EBF1: variants seen among roughly 807,000 people sequenced by gnomAD.
The protein encoded by EBF1 is transcription factor COE1.
In EBF1, 10 loss-of-function variants were observed where a neutral mutation model predicts 68.4. The observed-to-expected ratio is 0.15, with a 90% confidence interval of 0.09 to 0.25. The LOEUF is 0.25. Among genes scored for constraint, EBF1 ranks in the 10% least tolerant of loss-of-function variants. EBF1 has a pLI of 1.00. For synonymous variants in EBF1, 298 were observed against 299.8 expected (o/e 0.99, Z 0.06); for missense variants, 509 against 794.4 (o/e 0.64, Z 4.32).
At chr5:159,036,052 G>C (rs1769986798) in intron 6 of EBF1, among the ~76,000 whole-genome samples, 1 of 152,160 alleles carries the variant, frequency 6.6e-6, no homozygotes, top group South Asian at 2.1e-4. Flanking sequence ...GGTTCTTAGG[G>C]AATATTGGCT....
At chr5:158,737,219 T>C (rs1581459935) in intron 10 of EBF1, among the ~76,000 whole-genome samples, 1 of 139,840 alleles carries the variant, frequency 7.2e-6, no homozygotes, top group Admixed American at 7.5e-5. Flanking sequence ...AATTAACCAA[T>C]AGAGAAGCCA....
intron 7 of EBF1, among the ~76,000 whole-genome samples, chr5:158,830,227 G>A (rs1787215295): frequency 6.6e-6 from 1 of 152,032 alleles, no homozygotes; most frequent in Non-Finnish European, 1.5e-5. Flanking sequence ...AGCCTGAAGG[G>A]AAACCTGTAG....
chr5:158,710,606 T>C (rs1758994101), intron 14 of EBF1, among the ~76,000 whole-genome samples: 6 of 152,210 alleles, frequency 3.9e-5, no homozygotes, highest in Admixed American at 3.9e-4. Flanking sequence ...AACAAACTGC[T>C]GATTCCAAAC....
intron 6 of EBF1, among the ~76,000 whole-genome samples, chr5:159,030,666 AAGAG>A (rs1183157462): frequency 6.6e-6 from 1 of 152,226 alleles, no homozygotes; most frequent in African/African-American, 2.4e-5. Flanking sequence ...GTGTCTGGGA[AAGAG>A]AAAGAAGTCT....
At chr5:158,727,618 G>A (rs959509700) in intron 11 of EBF1, among the ~76,000 whole-genome samples, 9 of 152,060 alleles carry the variant, frequency 5.9e-5, no homozygotes, top group Admixed American at 5.2e-4. Flanking sequence ...ATATGAAAAA[G>A]GAAACCAAAA....
chr5:158,807,739 G>A (rs572348054), intron 8 of EBF1, among the ~76,000 whole-genome samples: 3 of 152,228 alleles, frequency 2.0e-5, no homozygotes, highest in East Asian at 1.9e-4. Context: ...CAAAACACAC[G>A]GAAGTCCCCC....
chr5:158,760,290 T>A (rs1771122072), intron 10 of EBF1, among the ~76,000 whole-genome samples: 2 of 152,184 alleles, frequency 1.3e-5, no homozygotes. Flanking sequence ...GCCAACATTT[T>A]CCATGGCCCA....
At chr5:158,731,228 G>T in intron 10 of EBF1, 71 bp from the exon 11 acceptor site, 1 of 1,411,942 alleles carries the variant, frequency 7.1e-7, no homozygotes, top group Non-Finnish European at 9.9e-7. Flanking sequence ...CAACACTAAT[G>T]GTGTGGAAAT....
At chr5:158,925,436 G>A (rs977227018) in intron 6 of EBF1, among the ~76,000 whole-genome samples, 1 of 152,164 alleles carries the variant, frequency 6.6e-6, no homozygotes. Context: ...AAGATTTCCT[G>A]GCCTCCCTTG....
At chr5:158,981,748 T>C (rs1391915465) in intron 6 of EBF1, among the ~76,000 whole-genome samples, 1 of 152,190 alleles carries the variant, frequency 6.6e-6, no homozygotes, top group Non-Finnish European at 1.5e-5. Flanking sequence ...CCTAACAAAA[T>C]GGCGCAAGAA....
rs544676919 is a variant in EBF1 at position 158,760,567 on chromosome 5, A to T, written c.1036+16846T>A. ...AGCTATTTATTTATTTATTATTATT[A>T]TTGCAGGTCCCACTCTCCCAGCCGC... On this transcript the variant is annotated intron_variant, in intron 10 of 15. Coordinates refer to ENST00000313708, the MANE Select transcript of EBF1 (RefSeq NM_024007.5). Among the ~76,000 whole-genome samples, 126 of 152,200 alleles carry T rather than the reference A, an allele frequency of 8.3e-4. 1 individual carries two copies. The highest frequency in any genetic ancestry group is 2.8e-3 in the African/African-American group (118 of 41,536).
At position 158,837,082 on chromosome 5, in the gene EBF1, A is replaced by G. The variant is rs1446774852; in HGVS notation, c.636+2947T>C. On this transcript the variant is annotated intron_variant, in intron 7 of 15. Coordinates refer to ENST00000313708, the MANE Select transcript of EBF1 (RefSeq NM_024007.5). Reference sequence around the variant, plus strand: ...GTAAGAGCTTGTCAGCGGTTATCAGATATAGGACTAATCAGTAGTTCTCAG... The same window carrying G: ...GTAAGAGCTTGTCAGCGGTTATCAGGTATAGGACTAATCAGTAGTTCTCAG... Among the ~76,000 whole-genome samples, 4 of 152,190 alleles carry G rather than the reference A, an allele frequency of 2.6e-5. No homozygotes were observed. In the East Asian group the frequency reaches 7.7e-4, roughly 29 times the overall value.
chr5:158,814,433 T>TACAACAC (rs1320947999), intron 8 of EBF1, among the ~76,000 whole-genome samples: 3 of 152,190 alleles, frequency 2.0e-5, no homozygotes, highest in Non-Finnish European at 4.4e-5. Flanking sequence ...AAATCTCCCC[T>TACAACAC]ACAACACACA....
At chr5:158,934,691 CA>C (rs1347926324) in intron 6 of EBF1, among the ~76,000 whole-genome samples, 1 of 152,164 alleles carries the variant, frequency 6.6e-6, no homozygotes, top group East Asian at 1.9e-4. Flanking sequence ...TTAGAATTCC[CA>C]CAAGTTATTT....
In EBF1 at chr5:159,063,342, C is replaced by T. The variant is rs1399119922; in HGVS notation, c.554+10054G>A. On this transcript the variant is annotated intron_variant, in intron 6 of 15. Coordinates refer to ENST00000313708, the MANE Select transcript of EBF1 (RefSeq NM_024007.5). ...CTGCCTCAGAAGAGTGCAATAAAGC[C>T]GTGGAATTTGCCCAAGTTCGATACC... is the stretch of plus-strand genomic sequence containing the variant. Among the ~76,000 whole-genome samples, 3 of 152,130 alleles carry T rather than the reference C, an allele frequency of 2.0e-5. No individual in the cohort carries two copies. In the South Asian group the frequency reaches 6.2e-4, roughly 31 times the overall value.
chr5:158,915,633 G>A (rs1488458872), intron 6 of EBF1, among the ~76,000 whole-genome samples: 1 of 152,144 alleles, frequency 6.6e-6, no homozygotes, highest in African/African-American at 2.4e-5. Context: ...AAACAGTAAG[G>A]AGATCTGTGG....
intron 11 of EBF1, among the ~76,000 whole-genome samples, chr5:158,725,247 C>T (rs1431495926): frequency 6.6e-6 from 1 of 152,194 alleles, no homozygotes; most frequent in Non-Finnish European, 1.5e-5. Context: ...TGGTGCTTGA[C>T]ATTCAATGTG....
chr5:158,837,023 G>T (rs1471110024), intron 7 of EBF1, among the ~76,000 whole-genome samples: 1 of 152,196 alleles, frequency 6.6e-6, no homozygotes, highest in Non-Finnish European at 1.5e-5. Context: ...CTTAATCAAA[G>T]TGTGCAATTT....
chr5:158,943,631 C>T (rs1813981408), intron 6 of EBF1, among the ~76,000 whole-genome samples: 1 of 152,102 alleles, frequency 6.6e-6, no homozygotes, highest in South Asian at 2.1e-4. Flanking sequence ...ATCAGGGAGG[C>T]AAGCTGAGCA....
Sources: gnomAD v4.1 joint callset for allele counts (sites outside exome capture counted in the v4.1 genomes callset) on GRCh38, gnomAD v4.1.1 for gene constraint, MANE v1.5 for transcripts, NCBI Gene and HGNC (gene_info 2026-07-23, HGNC 2026-07-21) for gene names.